The following STAC variants were observed in gnomAD, a reference collection of about 807,000 sequenced individuals.
STAC encodes SH3 and cysteine rich domain.
STAC carries 43 observed loss-of-function variants against 48.8 expected under a neutral mutation model. The ratio of observed to expected loss-of-function variants is 0.88; its 90% CI spans 0.69 to 1.14. The LOEUF is 1.14. STAC is among the 50% of genes most tolerant of loss of function. The pLI is 0.00. For missense variants in STAC, 497 were observed against 504.0 expected (o/e 0.99, Z 0.13); for synonymous variants, 193 against 179.5 (o/e 1.07, Z -0.60).
At chr3:36,498,670 T>A (rs1698210668) in intron 6 of STAC, among the ~76,000 whole-genome samples, 1 of 152,104 alleles carries the variant, frequency 6.6e-6, no homozygotes, top group Admixed American at 6.6e-5. Context: ...GGAGAATTAC[T>A]TGAACCTGGG....
At chr3:36,409,524 G>A (rs1264463517) in intron 1 of STAC, 1 of 152,210 alleles carries the variant, frequency 6.6e-6, no homozygotes, top group Non-Finnish European at 1.5e-5. Context: ...CGTGAACTGA[G>A]TGGTTCTTGA....
intron 1 of STAC, among the ~76,000 whole-genome samples, chr3:36,405,333 C>T (rs73057933): frequency 0.023 from 3,540 of 152,328 alleles, 61 homozygotes; most frequent in East Asian, 0.026. Context: ...AAACCTTGAG[C>T]TGTGATAATC....
chr3:36,439,779 G>A (rs140099412), intron 1 of STAC, among the ~76,000 whole-genome samples: 1 of 152,220 alleles, frequency 6.6e-6, no homozygotes, highest in Non-Finnish European at 1.5e-5. Context: ...ATGAATGATT[G>A]TCTCATAGCC....
At chr3:36,486,289 C>T in intron 5 of STAC, 40 bp downstream of exon 5, 3 of 1,581,294 alleles carry the variant, frequency 1.9e-6, no homozygotes, top group Non-Finnish European at 2.6e-6. Flanking sequence ...CTGTGGTGGT[C>T]TTGGGCAGAG....
chr3:36,394,299 C>A (rs1575171919), intron 1 of STAC, among the ~76,000 whole-genome samples: 1 of 152,266 alleles, frequency 6.6e-6, no homozygotes. Flanking sequence ...GTATTAAACA[C>A]CACAGATTAG....
intron 8 of STAC, among the ~76,000 whole-genome samples, chr3:36,512,783 C>CTTTTTTTTTT (rs901936471): frequency 6.6e-6 from 1 of 151,918 alleles, no homozygotes; most frequent in African/African-American, 2.4e-5. Flanking sequence ...ATCACACATA[C>CTTTTTTTTTT]TTTTTTTTAT....
At chr3:36,421,933 G>A (rs1700460671) in intron 1 of STAC, among the ~76,000 whole-genome samples, 1 of 151,876 alleles carries the variant, frequency 6.6e-6, no homozygotes, top group Non-Finnish European at 1.5e-5. Flanking sequence ...TTATTTTGAA[G>A]ATTATGTTTA....
chr3:36,390,710 A>T (rs570845065), intron 1 of STAC, among the ~76,000 whole-genome samples: 1 of 152,018 alleles, frequency 6.6e-6, no homozygotes, highest in Non-Finnish European at 1.5e-5. Flanking sequence ...CAAGTTTCAG[A>T]AAATGAATTG....
In STAC at chr3:36,502,538, T is replaced by A. The variant is rs188792648; in HGVS notation, c.767-1855T>A. ...AGATTCAATACAAAAATTAAAACAA[T>A]GTGAAATTACAAAATTGTAAAATCA... On this transcript the variant is annotated intron_variant, in intron 6 of 10. Transcript: ENST00000273183. Among the ~76,000 whole-genome samples, 9 of 152,312 alleles carry A rather than the reference T, an allele frequency of 5.9e-5. No homozygotes were observed. The East Asian group carries it at 1.7e-3, about 29-fold the overall frequency.
chr3:36,453,334 G>T (rs1696743095), intron 2 of STAC, among the ~76,000 whole-genome samples: 3 of 152,332 alleles, frequency 2.0e-5, no homozygotes, highest in East Asian at 1.9e-4. Context: ...AGCTTGCGGC[G>T]AGGTGTGGAG....
At chr3:36,395,620 G>C (rs1354074611) in intron 1 of STAC, among the ~76,000 whole-genome samples, 1 of 152,150 alleles carries the variant, frequency 6.6e-6, no homozygotes. Flanking sequence ...TTCCAATGGT[G>C]GGGTGAGAAC....
intron 2 of STAC, among the ~76,000 whole-genome samples, chr3:36,468,482 G>A (rs1424596244): frequency 6.6e-6 from 1 of 151,776 alleles, no homozygotes; most frequent in Non-Finnish European, 1.5e-5. Context: ...CCTGTCTAGT[G>A]TTGTCAGTGG....
Position 36,471,582 on chromosome 3 carries a change from T to TG in STAC, c.389-11405dup, listed in dbSNP as rs1431709177. 3.3e-5 allele frequency among the ~76,000 whole-genome samples: 5 copies of TG among 152,278 alleles called. No homozygotes were observed. In the East Asian group the frequency reaches 9.6e-4, roughly 29 times the overall value. On this transcript the variant is annotated intron_variant, in intron 2 of 10. Transcript: ENST00000273183. ...AAAGGGAGCTAGTTACTTCCTATAA[T>TG]GGGGGTACAGGTGTTAGGTAAATAT...
rs753033585 is a variant in STAC at position 36,485,078 on chromosome 3, G to C, written c.571+20G>C. 3.8e-6 allele frequency: 6 copies of C among 1,585,148 alleles called. No individual in the cohort carries two copies. The highest frequency in any genetic ancestry group is 5.2e-6 in the Non-Finnish European group (6 of 1,164,780). On this transcript the variant is annotated intron_variant, in intron 4 of 10. Transcript: ENST00000273183. ...CCATTGGTGAGTTGGGACATTGATG[G>C]GTTGAGTTGAGTTTGAAGCAGCAAA...
intron 1 of STAC, among the ~76,000 whole-genome samples, chr3:36,420,095 A>G (rs62245728): frequency 0.086 from 13,085 of 152,254 alleles, 597 homozygotes; most frequent in African/African-American, 0.12. Flanking sequence ...ATTTAACACT[A>G]TTGTAACTAT....
chr3:36,449,860 G>A (rs78079099), intron 2 of STAC, among the ~76,000 whole-genome samples: 2,864 of 152,338 alleles, frequency 0.019, 90 homozygotes, highest in African/African-American at 0.066. Context: ...GACAGGACAA[G>A]AGGAAGTGAG....
intron 1 of STAC, among the ~76,000 whole-genome samples, chr3:36,381,876 T>G (rs540569979): frequency 6.6e-6 from 1 of 152,198 alleles, no homozygotes; most frequent in Non-Finnish European, 1.5e-5. Flanking sequence ...TTATTTATTT[T>G]TATTTTTTTC....
chr3:36,467,996 T>C (rs1005876046), intron 2 of STAC, among the ~76,000 whole-genome samples: 2 of 152,124 alleles, frequency 1.3e-5, no homozygotes, highest in African/African-American at 4.8e-5. Flanking sequence ...CTATGAACTT[T>C]CCTCTTAGCA....
chr3:36,480,608 C>A (rs1480960121), intron 2 of STAC, among the ~76,000 whole-genome samples: 1 of 152,162 alleles, frequency 6.6e-6, no homozygotes, highest in African/African-American at 2.4e-5. Context: ...TTAGGACAAG[C>A]AATGAAAGAG....
Sources: allele counts gnomAD v4.1 joint callset (sites outside exome capture counted in the v4.1 genomes callset), GRCh38; gene constraint gnomAD v4.1.1; transcripts MANE v1.5; gene names NCBI Gene and HGNC (gene_info 2026-07-23, HGNC 2026-07-21).